The following BCAR1 variants were observed in gnomAD, a reference collection of about 807,000 sequenced individuals.
BCAR1 encodes breast cancer anti-estrogen resistance protein 1.
Under a neutral mutation model 67.6 loss-of-function variants are expected in BCAR1, and 30 were observed. The observed-to-expected ratio is 0.44, with a 90% CI of 0.33 to 0.60. The LOEUF (loss-of-function observed/expected upper bound fraction) is 0.60. Ranked by LOEUF, BCAR1 falls within the 20% of genes least tolerant of loss-of-function variation. The pLI is 0.02. For synonymous variants in BCAR1, 626 were observed against 556.7 expected (o/e 1.12, Z -1.75); for missense variants, 1,313 against 1,222.3 (o/e 1.07, Z -1.11).
intron 1 of BCAR1, chr16:75,247,952 A>G (rs563156730): frequency 1.2e-6 from 1 of 816,970 alleles, no homozygotes; most frequent in Non-Finnish European, 2.1e-6. Flanking sequence ...TAAGTTCACA[A>G]TAATAAGAAC....
rs1164174566 is a variant in BCAR1 at position 75,235,608 on chromosome 16, T to C, written c.1291A>G (p.Ser431Gly). 1.3e-6 allele frequency: 2 copies of C among 1,597,012 alleles called. No homozygotes were observed. Among genetic ancestry groups the C allele is most frequent in the South Asian group, 2.2e-5 (2 of 89,330 alleles). ...TGGCTGCTGCGTGTGCTGCCGGTGCTGGAGGCCGACAGGCGCTTGCCCTCT... is the reference window on the plus strand; with the variant it reads ...TGGCTGCTGCGTGTGCTGCCGGTGCCGGAGGCCGACAGGCGCTTGCCCTCT... ...PAEGKRLSAS[S>G]TGSTRSSQSA... Residue 431 changes from serine (S) to glycine (G), a missense_variant, in exon 5 of 7, where the codon AGC (serine) becomes GGC (glycine). Physicochemically the swap from Ser to Gly is moderately conservative, Grantham distance 56. Around this residue, in one of 2 missense-constraint regions of BCAR1, gnomAD observed 1,272 missense variants for 1,137.5 expected, o/e 1.12. Transcript: ENST00000162330.
intron 2 of BCAR1, chr16:75,238,964 A>T: frequency 1.0e-6 from 1 of 985,346 alleles, no homozygotes; most frequent in Non-Finnish European, 1.2e-6. Flanking sequence ...ATCCTCCAAA[A>T]GCACCCTGCC....
At chr16:75,245,740 T>G (rs2077494388) in intron 1 of BCAR1, among the ~76,000 whole-genome samples, 1 of 152,138 alleles carries the variant, frequency 6.6e-6, no homozygotes, top group Non-Finnish European at 1.5e-5. Flanking sequence ...CAGCCTGAGC[T>G]CTGGACGCTG....
chr16:75,242,669 G>A lies in BCAR1; in HGVS notation c.434C>T (p.Thr145Ile). Residue 145 changes from threonine to isoleucine, a missense_variant, in exon 2 of 7, where the codon ACA becomes ATA. This residue lies in a region of BCAR1 where 1,272 missense variants were observed against 1,137.5 expected (regional missense o/e 1.12). Coordinates refer to ENST00000162330, the MANE Select transcript of BCAR1 (RefSeq NM_014567.5). Reference sequence around the variant, plus strand: ...GGGTGTCTGCTTCGAGAAGGTGGATGTCTGCTTGGCTGGGGGAGACTGGAA... The same window carrying A: ...GGGTGTCTGCTTCGAGAAGGTGGATATCTGCTTGGCTGGGGGAGACTGGAA... ...PQFQSPPAKQTSTFSKQTPHH... is the reference protein window; with the variant it reads ...PQFQSPPAKQISTFSKQTPHH... 3.3e-6 allele frequency: 5 copies of A among 1,531,394 alleles called. No homozygotes were observed. Among genetic ancestry groups the A allele is most frequent in the Non-Finnish European group, 4.4e-6 (5 of 1,140,742 alleles). 94.9% of individuals were successfully genotyped at this position (1,531,394 alleles called of 1,614,324 possible).
chr16:75,252,382 G>C, upstream of BCAR1: 1 of 1,504,356 alleles, frequency 6.6e-7, no homozygotes, highest in Middle Eastern at 1.7e-4. Context: ...TCAGCGACAT[G>C]GGGTAGGAGA....
chr16:75,236,680 G>A lies in BCAR1; in HGVS notation c.912+202C>T, dbSNP rs2077148551. ...AGCTCATGGAGAAGGCCTCGCAACAGGCGGTTCTGCCGACAAAGAACCTGA... is the reference window on the plus strand; with the variant it reads ...AGCTCATGGAGAAGGCCTCGCAACAAGCGGTTCTGCCGACAAAGAACCTGA... On this transcript the variant is annotated intron_variant, in intron 4 of 6. Transcript: ENST00000162330. 2.7e-6 allele frequency: 3 copies of A among 1,099,160 alleles called. No homozygotes were observed. The African/African-American group carries it at 4.8e-5, about 18-fold the overall frequency. 68.1% of individuals were successfully genotyped at this position (1,099,160 alleles called of 1,614,324 possible).
At chr16:75,255,709 C>G (rs2077759121), upstream of BCAR1, among the ~76,000 whole-genome samples, 1 of 150,234 alleles carries the variant, frequency 6.7e-6, no homozygotes, top group African/African-American at 2.5e-5. Flanking sequence ...AAACAAAAAA[C>G]AGCTGGGCAC....
At chr16:75,256,442 CCA>C (rs1841400334), upstream of BCAR1, among the ~76,000 whole-genome samples, 1 of 152,016 alleles carries the variant, frequency 6.6e-6, no homozygotes, top group South Asian at 2.1e-4. Context: ...AGGCCAGTCC[CCA>C]GAGACCCGGG....
chr16:75,240,272 C>G (rs1210662516), intron 2 of BCAR1, among the ~76,000 whole-genome samples: 2 of 152,212 alleles, frequency 1.3e-5, no homozygotes, highest in African/African-American at 2.4e-5. Context: ...AACTGGGAGA[C>G]TCAGTTTCCC....
intron 1 of BCAR1, among the ~76,000 whole-genome samples, chr16:75,260,625 C>A (rs2077885405): frequency 8.7e-6 from 1 of 114,900 alleles, no homozygotes; most frequent in African/African-American, 3.2e-5. Flanking sequence ...CAGAGTGAGA[C>A]TCCATCTCAA....
chr16:75,237,453 T>G, intron 2 of BCAR1, 109 bp from the exon 3 acceptor site: 2 of 1,309,088 alleles, frequency 1.5e-6, no homozygotes, highest in Non-Finnish European at 2.0e-6. Context: ...GCACACCAGG[T>G]GGAAGGGACG....
rs1471346417 is a variant in BCAR1, at chr16:75,238,787, T to G, written c.634-1443A>C. On this transcript the variant is annotated intron_variant, in intron 2 of 6. Coordinates refer to ENST00000162330, the MANE Select transcript of BCAR1 (RefSeq NM_014567.5). ...AGTCTCCTCCAGAACTATTTTTAGA[T>G]GCAGGGACCTGCCAACAGCGGGGCA... 5 of 985,394 alleles carry G rather than the reference T, an allele frequency of 5.1e-6. No homozygotes were observed. The East Asian group carries it at 4.5e-4, about 89-fold the overall frequency. 61.0% of individuals were successfully genotyped at this position (985,394 alleles called of 1,614,324 possible).
chr16:75,254,912 T>C (rs1273367090), upstream of BCAR1, among the ~76,000 whole-genome samples: 1 of 152,204 alleles, frequency 6.6e-6, no homozygotes, highest in African/African-American at 2.4e-5. Flanking sequence ...AAGATAAGCC[T>C]GGGATAGGGT....
At chr16:75,232,062 T>G (rs538998993) in intron 6 of BCAR1, among the ~76,000 whole-genome samples, 2 of 151,246 alleles carry the variant, frequency 1.3e-5, no homozygotes, top group African/African-American at 4.9e-5. Context: ...TTTTGTATTT[T>G]TAGTAGAGAT....
chr16:75,250,912 C>T (rs1597259592), intron 1 of BCAR1: 8 of 985,516 alleles, frequency 8.1e-6, no homozygotes, highest in Non-Finnish European at 9.6e-6. Context: ...CCGCTCCGCT[C>T]CCGGAACCCC....
Position 75,229,527 on chromosome 16 carries a change from T to G in BCAR1, c.2597A>C (p.Gln866Pro). ...TCACCACCCTCAGGCGGCTGCCAGC[T>G]GGCCTAGGACGCGGCGGAACTGCTG... ...STQQFRRVLG[Q>P]LAAA The change falls in exon 7 of 7, where the codon CAG (glutamine) becomes CCG (proline). Residue 866 changes from glutamine (Q) to proline (P), a missense_variant. Transcript: ENST00000162330. The G allele has an allele frequency of 6.3e-7, 1 of 1,582,450 alleles. No individual in the cohort carries two copies. Among genetic ancestry groups the G allele is most frequent in the Non-Finnish European group, 8.6e-7 (1 of 1,163,284 alleles).
upstream of BCAR1, among the ~76,000 whole-genome samples, chr16:75,254,368 T>G (rs2077735747): frequency 6.6e-6 from 1 of 152,060 alleles, no homozygotes; most frequent in Admixed American, 6.6e-5. Flanking sequence ...AGCTCAGCAC[T>G]GGGGCCAGCA....
intron 6 of BCAR1, among the ~76,000 whole-genome samples, chr16:75,232,641 G>T (rs1012442649): frequency 6.6e-6 from 1 of 152,174 alleles, no homozygotes; most frequent in African/African-American, 2.4e-5. Flanking sequence ...GTGCAGTTTT[G>T]TTATGTGGGT....
chr16:75,234,240 G>A (rs905641029), intron 5 of BCAR1, among the ~76,000 whole-genome samples: 1 of 150,276 alleles, frequency 6.7e-6, no homozygotes, highest in Non-Finnish European at 1.5e-5. Context: ...AGCCCCCCCA[G>A]GCTGGCACAT....
Sources: gnomAD v4.1 joint callset for allele counts (sites outside exome capture counted in the v4.1 genomes callset) on GRCh38, gnomAD v4.1.1 for gene constraint, gnomAD v4.1.1 regional missense constraint, MANE v1.5 for transcripts, NCBI Gene and HGNC (gene_info 2026-07-23, HGNC 2026-07-21) for gene names.